Variants in ARID3C observed in about 807,000 individuals in gnomAD.
ARID3C encodes AT-rich interaction domain 3C.
In ARID3C, 42 loss-of-function variants were observed where a neutral mutation model predicts 37.9. The observed-to-expected ratio is 1.11, with a 90% CI of 0.87 to 1.43. ARID3C has a LOEUF of 1.43. Ranked by LOEUF, ARID3C falls within the 40% of genes most tolerant of loss-of-function variation. The probability of loss-of-function intolerance (pLI) is 0.00; values close to 1 mark genes in which losing one functional copy is unlikely to be tolerated. For missense variants in ARID3C, 581 were observed against 548.8 expected (o/e 1.06, Z -0.59); for synonymous variants, 213 against 228.0 (o/e 0.93, Z 0.59).
At chr9:34,621,691 A>G in intron 6 of ARID3C, 133 bp from the exon 8 acceptor site, 1 of 700,468 alleles carries the variant, frequency 1.4e-6, no homozygotes, top group Non-Finnish European at 2.4e-6. Context: ...CCACAAACCA[A>G]TGAGGACAAG....
Position 34,627,228 on chromosome 9 carries a change from C to A in ARID3C, c.318+469G>T, listed in dbSNP as rs78184621. ...TGAGTGATAACCTCCATTCTGCTTCCAAAGACAGAGGAAGCAACTGGGTCA... is the reference window on the plus strand; with the variant it reads ...TGAGTGATAACCTCCATTCTGCTTCAAAAGACAGAGGAAGCAACTGGGTCA... On this transcript the variant is annotated intron_variant, in intron 1 of 6. Transcript: ENST00000378909. Among the ~76,000 whole-genome samples the A allele has an allele frequency of 4.9e-3, 748 of 152,302 alleles. 7 individuals are homozygous for A. Among genetic ancestry groups the A allele is most frequent in the African/African-American group, 0.017 (720 of 41,558 alleles).
chr9:34,621,270 G>T (rs1308366969), downstream of ARID3C: 1 of 478,270 alleles, frequency 2.1e-6, no homozygotes, highest in African/African-American at 2.0e-5. Context: ...CAGGGAGGAG[G>T]TGCCCTCCCT....
At chr9:34,629,591 A>T (rs1820704650), upstream of ARID3C, among the ~76,000 whole-genome samples, 1 of 152,198 alleles carries the variant, frequency 6.6e-6, no homozygotes, top group South Asian at 2.1e-4. Flanking sequence ...CGGTTTGCAC[A>T]CATGAGTGCA....
exon 1 of ARID3C, chr9:34,627,903 G>C (rs199713214): frequency 6.4e-7 from 1 of 1,561,120 alleles, no homozygotes; most frequent in Non-Finnish European, 8.7e-7. Flanking sequence ...GGGGCCTGTA[G>C]GGTCCGGTGG....
At chr9:34,622,827 T>C (rs966962599) in intron 4 of ARID3C, among the ~76,000 whole-genome samples, 2 of 152,026 alleles carry the variant, frequency 1.3e-5, no homozygotes, top group African/African-American at 4.8e-5. Flanking sequence ...TGGGTGGACA[T>C]GTGTGGAATG....
chr9:34,623,536 G>T (rs1336836900), exon 4 of ARID3C: 2 of 1,577,588 alleles, frequency 1.3e-6, no homozygotes, highest in Non-Finnish European at 1.7e-6. Context: ...GCGGGGCCGG[G>T]ACCCAAGGCT....
upstream of ARID3C, chr9:34,628,177 G>T (rs531034165): frequency 7.4e-6 from 7 of 942,316 alleles, no homozygotes; most frequent in East Asian, 1.9e-4. The surrounding 1 kb of genome is among the most constrained non-coding windows in gnomAD (Gnocchi z 5.2). Flanking sequence ...GGGAAGTGCA[G>T]GGGTCACAAG....
At chr9:34,629,405 CGTTCCGT>C (rs1820702694), upstream of ARID3C, among the ~76,000 whole-genome samples, 1 of 152,262 alleles carries the variant, frequency 6.6e-6, no homozygotes, top group South Asian at 2.1e-4. Flanking sequence ...CAGTCTCACA[CGTTCCGT>C]GACATGGTCA....
upstream of ARID3C, chr9:34,628,135 C>T (rs1327209208): frequency 1.5e-6 from 2 of 1,330,264 alleles, no homozygotes; most frequent in Admixed American, 2.9e-5. The surrounding 1 kb of genome is among the most constrained non-coding windows in gnomAD (Gnocchi z 5.2). Context: ...CCCCAGAGCC[C>T]CCCAACACAG....
chr9:34,632,648 C>T (rs973876040), upstream of ARID3C, among the ~76,000 whole-genome samples: 7 of 152,086 alleles, frequency 4.6e-5, no homozygotes, highest in African/African-American at 1.4e-4. Context: ...TGGATATATT[C>T]TGCAGATAAA....
exon 1 of ARID3C, chr9:34,627,878 C>T: frequency 1.3e-6 from 2 of 1,574,112 alleles, no homozygotes; most frequent in South Asian, 2.3e-5. Flanking sequence ...CCCAACATTC[C>T]CCAAGGCCCC....
At chr9:34,624,186 C>A in intron 2 of ARID3C, 139 bp from the exon 4 acceptor site, 1 of 1,055,266 alleles carries the variant, frequency 9.5e-7, no homozygotes, top group Non-Finnish European at 1.3e-6. Flanking sequence ...ACCCCAGGGT[C>A]TCTGTTTTAG....
intron 2 of ARID3C, among the ~76,000 whole-genome samples, chr9:34,625,317 C>G (rs1382947165): frequency 1.3e-5 from 2 of 152,176 alleles, no homozygotes; most frequent in Admixed American, 6.5e-5. Context: ...TAGTCCCCAG[C>G]CCACCCCTTG....
chr9:34,624,986 G>A (rs950207625), intron 2 of ARID3C, among the ~76,000 whole-genome samples: 10 of 152,100 alleles, frequency 6.6e-5, no homozygotes, highest in African/African-American at 2.4e-4. Flanking sequence ...GAGGGTCCCT[G>A]GGAAGGTAAG....
At chr9:34,622,638 C>T (rs979614361) in intron 4 of ARID3C, 109 bp from the exon 6 acceptor site, 21 of 1,134,250 alleles carry the variant, frequency 1.9e-5, no homozygotes, top group Non-Finnish European at 2.4e-5. Flanking sequence ...GTACCAATCT[C>T]TCATCCTTCA....
upstream of ARID3C, among the ~76,000 whole-genome samples, chr9:34,629,758 CT>C (rs1455628026): frequency 6.6e-6 from 1 of 151,860 alleles, no homozygotes. Flanking sequence ...TCTTTCTTTT[CT>C]TTTTTTTCTT....
chr9:34,630,116 G>A (rs1421736883), upstream of ARID3C, among the ~76,000 whole-genome samples: 1 of 152,074 alleles, frequency 6.6e-6, no homozygotes, highest in Admixed American at 6.5e-5. Flanking sequence ...TGAACCTCTG[G>A]TACTCATCAT....
Position 34,621,672 on chromosome 9 carries a change from G to A in ARID3C, c.1139-114C>T, listed in dbSNP as rs961448915. ...TTCTGGTTGCTAGAACACTACACAC[G>A]TACCCCTGCCACAAACCAATGAGGA... On this transcript the variant is annotated intron_variant, in intron 6 of 6. Coordinates refer to ENST00000378909, the Ensembl canonical transcript of ARID3C. 6 of 774,210 alleles carry A rather than the reference G, an allele frequency of 7.7e-6. No individual in the cohort carries two copies. The East Asian group carries it at 1.1e-4, about 14-fold the overall frequency. 48.0% of individuals were successfully genotyped at this position (774,210 alleles called of 1,614,324 possible). A position where few individuals can be genotyped will look rare whatever the true frequency, so the allele number is the denominator to read the frequency against.
exon 3 of ARID3C, chr9:34,623,995 G>A (rs757382174): frequency 1.9e-6 from 3 of 1,602,342 alleles, no homozygotes; most frequent in Non-Finnish European, 2.5e-6. Context: ...GAAACAGAGC[G>A]TACAGGTCGA....
Sources: gnomAD v4.1 joint callset for allele counts (sites outside exome capture counted in the v4.1 genomes callset) on GRCh38, gnomAD v4.1.1 for gene constraint, Gnocchi (gnomAD v3.1) non-coding constraint, MANE v1.5 for transcripts, NCBI Gene and HGNC (gene_info 2026-07-23, HGNC 2026-07-21) for gene names.